CPQ: variants seen among roughly 807,000 people sequenced by gnomAD.
CPQ encodes carboxypeptidase Q, also known as Ser-Met dipeptidase.
A neutral mutation model predicts 45.7 loss-of-function variants in CPQ; 37 were observed. That is an observed-to-expected ratio of 0.81 (90% CI 0.62 to 1.07). The LOEUF (loss-of-function observed/expected upper bound fraction) is 1.07, where lower values mean the gene tolerates loss of function less well. Ranked by LOEUF, CPQ falls within the 50% of genes least tolerant of loss-of-function variation. The pLI, the probability that CPQ is intolerant of heterozygous loss-of-function variation, is 0.00. For missense variants in CPQ, 537 were observed against 572.9 expected (o/e 0.94, Z 0.64); for synonymous variants, 186 against 205.8 (o/e 0.90, Z 0.82).
At chr8:96,743,895 C>A (rs1407938660) in intron 1 of CPQ, among the ~76,000 whole-genome samples, 2 of 152,360 alleles carry the variant, frequency 1.3e-5, no homozygotes, top group East Asian at 3.9e-4. Flanking sequence ...CAGACAGGGA[C>A]ATTTAAGTCT....
Position 96,741,799 on chromosome 8 carries a change from T to C in CPQ, c.-34-43065T>C, listed in dbSNP as rs563158383. Reference sequence around the variant, plus strand: ...GTTGAGCGGTTTTGAGTGAGATTCTTAATCCTGAGTTCTAGTTTGATTGCA... The same window carrying C: ...GTTGAGCGGTTTTGAGTGAGATTCTCAATCCTGAGTTCTAGTTTGATTGCA... On this transcript the variant is annotated intron_variant, in intron 1 of 7. Transcript: ENST00000220763. Among the ~76,000 whole-genome samples the C allele has an allele frequency of 2.4e-4, 36 of 151,512 alleles. 1 individual carries two copies. In the South Asian group the frequency reaches 7.3e-3, roughly 31 times the overall value.
At chr8:96,881,436 G>A (rs1054490139) in intron 4 of CPQ, among the ~76,000 whole-genome samples, 1 of 152,108 alleles carries the variant, frequency 6.6e-6, no homozygotes, top group Non-Finnish European at 1.5e-5. Context: ...ACAGCACCAG[G>A]GGGATGGTGC....
chr8:96,860,717 G>A (rs1442821501), intron 3 of CPQ, among the ~76,000 whole-genome samples: 1 of 152,118 alleles, frequency 6.6e-6, no homozygotes, highest in African/African-American at 2.4e-5. Flanking sequence ...GTGGAATTAA[G>A]CTCCTGGCTC....
intron 6 of CPQ, among the ~76,000 whole-genome samples, chr8:97,035,865 A>G (rs1389942559): frequency 1.3e-5 from 2 of 151,372 alleles, no homozygotes; most frequent in East Asian, 2.0e-4. Context: ...CCGCCACCAC[A>G]CCCGGCTAAT....
At chr8:96,801,798 C>A (rs1334325000) in intron 2 of CPQ, among the ~76,000 whole-genome samples, 1 of 152,168 alleles carries the variant, frequency 6.6e-6, no homozygotes, top group South Asian at 2.1e-4. Context: ...TCTCTGCCTC[C>A]TCTCTGCCTT....
chr8:96,835,240 G>A lies in CPQ; in HGVS notation c.641+60G>A, dbSNP rs369910674. 1.1e-5 allele frequency: 15 copies of A among 1,307,720 alleles called. No individual in the cohort carries two copies. In the East Asian group the frequency reaches 3.2e-4, roughly 28 times the overall value. 81.0% of individuals were successfully genotyped at this position (1,307,720 alleles called of 1,614,324 possible). On this transcript the variant is annotated intron_variant, in intron 3 of 7. Transcript: ENST00000220763. ...AACAAGGGTTTTCCGTGAAGGAAAA[G>A]TCCTTATGAAGTAAAAACAAACCAT... is the stretch of plus-strand genomic sequence containing the variant.
chr8:97,010,845 G>T (rs964332693), intron 5 of CPQ, among the ~76,000 whole-genome samples: 2 of 151,986 alleles, frequency 1.3e-5, no homozygotes, highest in Non-Finnish European at 2.9e-5. Flanking sequence ...CTCCAGCAGG[G>T]TTTATTTCTG....
intron 5 of CPQ, among the ~76,000 whole-genome samples, chr8:97,001,903 T>A (rs1340198952): frequency 6.6e-6 from 1 of 151,948 alleles, no homozygotes; most frequent in Non-Finnish European, 1.5e-5. Flanking sequence ...CCTTGAGCTT[T>A]TTTTGGTTGG....
chr8:96,926,625 C>CTT lies in CPQ; in HGVS notation c.850-39310_850-39309insTT, dbSNP rs59043894. 4.3e-3 allele frequency among the ~76,000 whole-genome samples: 250 copies of CTT among 58,394 alleles called. 4 individuals are homozygous for CTT. Among genetic ancestry groups the CTT allele is most frequent in the South Asian group, 0.016 (27 of 1,694 alleles). The allele number at this position is 58,394 out of a possible 152,430, so 38.3% of individuals were successfully genotyped here. ...TTCTTCTTCTTCTTCTTCTTCTTCTCCTCCTTCTCCTTCTTCTTCTTCTCC... is the reference window on the plus strand; with the variant it reads ...TTCTTCTTCTTCTTCTTCTTCTTCTCTTCTCCTTCTCCTTCTTCTTCTTCTCC... On this transcript the variant is annotated intron_variant, in intron 4 of 7. Transcript: ENST00000220763.
intron 5 of CPQ, among the ~76,000 whole-genome samples, chr8:97,023,022 A>ATATATACTATATATATATAC (rs1554584147): frequency 0.016 from 2,343 of 146,502 alleles, 79 homozygotes; most frequent in African/African-American, 0.056. Flanking sequence ...TATATAGTAT[A>ATATATACTATATATATATAC]TATATACAGT....
At chr8:96,891,276 C>T (rs146698889) in intron 4 of CPQ, among the ~76,000 whole-genome samples, 32 of 152,260 alleles carry the variant, frequency 2.1e-4, no homozygotes, top group South Asian at 6.2e-4. Context: ...ATGTCTATTC[C>T]GGTGCAGACA....
At chr8:96,722,279 T>A (rs1367111629) in intron 1 of CPQ, among the ~76,000 whole-genome samples, 1 of 152,208 alleles carries the variant, frequency 6.6e-6, no homozygotes, top group Non-Finnish European at 1.5e-5. Context: ...ATGTCTTTAC[T>A]TTTTGAGGCT....
intron 1 of CPQ, among the ~76,000 whole-genome samples, chr8:96,714,720 G>A (rs980163535): frequency 2.6e-5 from 4 of 152,044 alleles, no homozygotes; most frequent in Non-Finnish European, 4.4e-5. Flanking sequence ...ACCCTGTTTC[G>A]TATTTCCAGA....
At chr8:96,829,135 T>C (rs1811413627) in intron 2 of CPQ, among the ~76,000 whole-genome samples, 1 of 152,138 alleles carries the variant, frequency 6.6e-6, no homozygotes, top group African/African-American at 2.4e-5. Flanking sequence ...TGCTTGTGGC[T>C]TGTCCTCAGG....
At chr8:96,841,316 A>G (rs565029999) in intron 3 of CPQ, among the ~76,000 whole-genome samples, 5 of 152,340 alleles carry the variant, frequency 3.3e-5, no homozygotes, top group African/African-American at 1.2e-4. Flanking sequence ...AAGGCAGTTT[A>G]AAATTCTAGG....
At chr8:96,746,515 ACT>A (rs1488380370) in intron 1 of CPQ, among the ~76,000 whole-genome samples, 1 of 151,930 alleles carries the variant, frequency 6.6e-6, no homozygotes, top group African/African-American at 2.4e-5. Flanking sequence ...CCCTCTGTAG[ACT>A]CTGCTCTGTC....
chr8:96,775,776 A>C (rs145950935), intron 1 of CPQ, among the ~76,000 whole-genome samples: 50 of 152,304 alleles, frequency 3.3e-4, no homozygotes, highest in African/African-American at 1.0e-3. Flanking sequence ...CTGTCTGTCT[A>C]GTGTCCCCGG....
At chr8:96,813,936 T>C (rs1328082298) in intron 2 of CPQ, among the ~76,000 whole-genome samples, 1 of 152,068 alleles carries the variant, frequency 6.6e-6, no homozygotes, top group Admixed American at 6.6e-5. Context: ...TATGATAAAT[T>C]ATCTTGTCCA....
chr8:97,094,815 T>C (rs748234594), intron 7 of CPQ, among the ~76,000 whole-genome samples: 5 of 152,172 alleles, frequency 3.3e-5, no homozygotes, highest in Admixed American at 2.0e-4. Context: ...TTCTTTTCTT[T>C]GCAGCCAAGC....
Sources: allele counts gnomAD v4.1 joint callset (sites outside exome capture counted in the v4.1 genomes callset), GRCh38; gene constraint gnomAD v4.1.1; transcripts MANE v1.5; gene names NCBI Gene and HGNC (gene_info 2026-07-23, HGNC 2026-07-21).